Variants in CTSS observed in about 807,000 individuals in gnomAD.
The protein encoded by CTSS is cathepsin S.
CTSS carries 15 observed loss-of-function variants against 39.9 expected under a neutral mutation model. The observed-to-expected ratio is 0.38, with a 90% CI of 0.25 to 0.58. The LOEUF is 0.58. Among genes scored for constraint, CTSS ranks in the 20% least tolerant of loss-of-function variants. CTSS has a pLI of 0.70. For synonymous variants in CTSS, 126 were observed against 138.2 expected, an observed-to-expected ratio of 0.91 and a Z score of 0.62; for missense variants, 250 against 398.2, an observed-to-expected ratio of 0.63 and a Z score of 3.17.
chr1:150,749,882 C>T (rs1457854766), intron 6 of CTSS, 124 bp downstream of exon 6: 3 of 750,992 alleles, frequency 4.0e-6, no homozygotes, highest in Non-Finnish European at 6.2e-6. Context: ...GTCAAACTCC[C>T]AGGCTCAAGC....
In CTSS at chr1:150,733,084, A is replaced by G. The variant is rs775332214; in HGVS notation, c.958T>C (p.Cys320Arg). 41 of 1,613,722 alleles carry G rather than the reference A, an allele frequency of 2.5e-5. No homozygotes were observed. Among genetic ancestry groups the G allele is most frequent in the Non-Finnish European group, 5.9e-6 (7 of 1,179,842 alleles). Residue 320 changes from cysteine (C) to arginine (R), a missense_variant, in exon 8 of 8, where the codon TGT becomes CGT. Physicochemically the swap from Cys to Arg is radical, Grantham distance 180 (BLOSUM62 -3). Transcript: ENST00000368985. ...TAAGAGGGAAAGCTAGCAATCCCAC[A>G]ATGATTTCCTTTATTTCTTGCCATC... Reference protein sequence around the residue: ...IRMARNKGNHCGIASFPSYPE... With the variant: ...IRMARNKGNHRGIASFPSYPE...
At chr1:150,761,447 A>G (rs1653260336) in intron 2 of CTSS, among the ~76,000 whole-genome samples, 2 of 152,084 alleles carry the variant, frequency 1.3e-5, no homozygotes, top group African/African-American at 4.8e-5. Context: ...TGAAGACAAA[A>G]TAGGCCGGGC....
At chr1:150,733,202 A>T in intron 7 of CTSS, 57 bp from the exon 8 acceptor site, 1 of 1,329,366 alleles carries the variant, frequency 7.5e-7, no homozygotes, top group Non-Finnish European at 1.1e-6. Flanking sequence ...CCATGTTATC[A>T]ACTTTTTATC....
At chr1:150,760,336 C>A (rs1653227737) in intron 2 of CTSS, among the ~76,000 whole-genome samples, 1 of 152,168 alleles carries the variant, frequency 6.6e-6, no homozygotes, top group South Asian at 2.1e-4. Flanking sequence ...CAACAAATTA[C>A]ATATAGAAGG....
At chr1:150,746,051 T>C (rs1185663854) in intron 7 of CTSS, among the ~76,000 whole-genome samples, 1 of 152,190 alleles carries the variant, frequency 6.6e-6, no homozygotes, top group Non-Finnish European at 1.5e-5. Flanking sequence ...CTCCAGTCCC[T>C]GGCAGCTATC....
chr1:150,749,592 G>A (rs767233306), intron 6 of CTSS, among the ~76,000 whole-genome samples: 4 of 9,906 alleles, frequency 4.0e-4, no homozygotes, highest in Admixed American at 9.0e-4. Flanking sequence ...GCCCCGCCCC[G>A]CCCCACCTTG....
At chr1:150,735,755 ATTTTT>A (rs146960325) in intron 7 of CTSS, among the ~76,000 whole-genome samples, 2 of 126,546 alleles carry the variant, frequency 1.6e-5, no homozygotes, top group African/African-American at 2.9e-5. Context: ...TGCTTGGCCA[ATTTTT>A]TTTTTTTTTT....
At chr1:150,745,358 T>C (rs191176314) in intron 7 of CTSS, among the ~76,000 whole-genome samples, 1 of 152,230 alleles carries the variant, frequency 6.6e-6, no homozygotes, top group Admixed American at 6.6e-5. Flanking sequence ...ACATGAATGA[T>C]GCTCATGAAA....
chr1:150,750,914 T>C (rs376174765), intron 5 of CTSS, among the ~76,000 whole-genome samples: 8 of 152,258 alleles, frequency 5.3e-5, no homozygotes, highest in African/African-American at 1.7e-4. Flanking sequence ...AGTGCTGACA[T>C]TACAGGTGTG....
intron 7 of CTSS, among the ~76,000 whole-genome samples, chr1:150,735,755 AT>A (rs146960325): frequency 0.34 from 43,296 of 126,404 alleles, 6,405 homozygotes; most frequent in South Asian, 0.48. Flanking sequence ...TGCTTGGCCA[AT>A]TTTTTTTTTT....
rs1051013850 is a variant in CTSS, at chr1:150,731,563, G to A, written c.*1483C>T. On this transcript the variant is annotated 3_prime_UTR_variant, in exon 8 of 8. Transcript: ENST00000368985. ...AGCCAGAGTTAGTGAAATACGTTTAGGTTAATTTAGGATATATTAATGACA... is the reference window on the plus strand; with the variant it reads ...AGCCAGAGTTAGTGAAATACGTTTAAGTTAATTTAGGATATATTAATGACA... 2 of 152,124 alleles carry A rather than the reference G, an allele frequency of 1.3e-5. No homozygotes were observed. The highest frequency in any genetic ancestry group is 2.9e-5 in the Non-Finnish European group (2 of 68,032). 9.4% of individuals were successfully genotyped at this position (152,124 alleles called of 1,614,324 possible).
intron 6 of CTSS, among the ~76,000 whole-genome samples, chr1:150,749,587 G>A (rs916195554): frequency 4.0e-4 from 3 of 7,510 alleles, no homozygotes; most frequent in South Asian, 4.0e-3. Context: ...GCCCCGCCCC[G>A]CCCCGCCCCA....
At chr1:150,743,517 ATATT>A (rs1207853070) in intron 7 of CTSS, among the ~76,000 whole-genome samples, 14 of 128,310 alleles carry the variant, frequency 1.1e-4, no homozygotes, top group African/African-American at 2.8e-4. Flanking sequence ...ATATATATAT[ATATT>A]TATAAATATA....
chr1:150,733,056 G>A lies in CTSS; in HGVS notation c.986C>T (p.Pro329Leu). ...HCGIASFPSY[P>L]EI Reference sequence around the variant, plus strand: ...AAAAGGAGAGATCCTCTAGATTTCTGGGTAAGAGGGAAAGCTAGCAATCCC... The same window carrying A: ...AAAAGGAGAGATCCTCTAGATTTCTAGGTAAGAGGGAAAGCTAGCAATCCC... Residue 329 changes from proline (P) to leucine (L), a missense_variant, in exon 8 of 8, where the codon CCA (proline) becomes CTA (leucine). Transcript: ENST00000368985. 6.2e-7 allele frequency: 1 copy of A among 1,609,116 alleles called. No individual in the cohort carries two copies. Among genetic ancestry groups the A allele is most frequent in the Non-Finnish European group, 8.5e-7 (1 of 1,175,850 alleles).
At chr1:150,747,949 A>G in intron 6 of CTSS, 70 bp from the exon 7 acceptor site, 4 of 983,324 alleles carry the variant, frequency 4.1e-6, no homozygotes, top group Middle Eastern at 2.1e-4. Flanking sequence ...TTAAAACGGT[A>G]TTACTTTTTA....
At chr1:150,741,835 A>T (rs939462726) in intron 7 of CTSS, among the ~76,000 whole-genome samples, 1 of 151,138 alleles carries the variant, frequency 6.6e-6, no homozygotes, top group African/African-American at 2.4e-5. Context: ...AGATTGTGCC[A>T]CTGCACTCCA....
chr1:150,747,774 TA>T lies in CTSS; in HGVS notation c.896+2del. ...AATTAAATATAAAGTGTAAATATAT[TA>T]CCTGTTTTTCACAAGCCAGTATTCT... On this transcript the variant is annotated splice_donor_variant, in intron 7 of 7. Coordinates refer to ENST00000368985, the MANE Select transcript of CTSS (RefSeq NM_004079.5). LOFTEE classifies it high-confidence loss of function. 1 of 1,582,320 alleles carries T rather than the reference TA, an allele frequency of 6.3e-7. No homozygotes were observed. Among genetic ancestry groups the T allele is most frequent in the Non-Finnish European group, 8.7e-7 (1 of 1,151,880 alleles).
intron 7 of CTSS, among the ~76,000 whole-genome samples, chr1:150,735,755 A>ATTT (rs146960325): frequency 7.1e-5 from 9 of 126,534 alleles, no homozygotes; most frequent in East Asian, 6.8e-4. Context: ...TGCTTGGCCA[A>ATTT]TTTTTTTTTT....
chr1:150,762,592 T>C (rs931560917), intron 2 of CTSS, among the ~76,000 whole-genome samples: 1 of 152,066 alleles, frequency 6.6e-6, no homozygotes, highest in Non-Finnish European at 1.5e-5. Context: ...AAAACAACCC[T>C]GTTTAAAAAT....
Sources: gnomAD v4.1 joint callset for allele counts (sites outside exome capture counted in the v4.1 genomes callset) on GRCh38, gnomAD v4.1.1 for gene constraint, MANE v1.5 for transcripts, NCBI Gene and HGNC (gene_info 2026-07-23, HGNC 2026-07-21) for gene names.